Variants in HEMK2 observed in about 807,000 individuals in gnomAD.
HEMK2 encodes methyltransferase HEMK2.
the HEMK2 span, among the ~76,000 whole-genome samples, chr21:28,718,647 T>C: frequency 6.6e-6 from 1 of 152,096 alleles, no homozygotes; most frequent in Non-Finnish European, 1.5e-5. Context: ...TTGAGATTTA[T>C]CCAAAGGAGA....
At chr21:28,724,071 C>T in the HEMK2 span, among the ~76,000 whole-genome samples, 83,155 of 152,108 alleles carry the variant, frequency 0.55, 25,088 homozygotes, top group East Asian at 0.84. Flanking sequence ...AGGTCACACA[C>T]GTTGAGGAAC....
chr21:28,788,293 C>T, the HEMK2 span, among the ~76,000 whole-genome samples: 50 of 136,058 alleles, frequency 3.7e-4, no homozygotes, highest in African/African-American at 1.5e-3. Context: ...CACACACACA[C>T]ACACACACAC....
chr21:28,869,325 C>T, the HEMK2 span, among the ~76,000 whole-genome samples: 127,540 of 152,134 alleles, frequency 0.84, 53,917 homozygotes, highest in South Asian at 0.93. Flanking sequence ...AACTTGGTCA[C>T]AGTGTATCAT....
the HEMK2 span, among the ~76,000 whole-genome samples, chr21:28,742,896 T>C: frequency 2.6e-5 from 4 of 152,212 alleles, no homozygotes; most frequent in African/African-American, 9.6e-5. Context: ...TTCTCTGTGG[T>C]CACGGTCTTC....
chr21:28,673,472 C>T, the HEMK2 span, among the ~76,000 whole-genome samples: 3 of 148,368 alleles, frequency 2.0e-5, no homozygotes, highest in Non-Finnish European at 4.5e-5. Context: ...CAAACTCAAA[C>T]ACTTAGCTCA....
chr21:28,841,404 T>A, the HEMK2 span, among the ~76,000 whole-genome samples: 2 of 34,344 alleles, frequency 5.8e-5, no homozygotes, highest in Non-Finnish European at 8.4e-5. Context: ...ATTATATATA[T>A]AATATATATA....
the HEMK2 span, among the ~76,000 whole-genome samples, chr21:28,824,683 G>C: frequency 6.6e-6 from 1 of 152,122 alleles, no homozygotes; most frequent in East Asian, 1.9e-4. Context: ...TCTTTGAACA[G>C]TCCTAGTTGA....
the HEMK2 span, among the ~76,000 whole-genome samples, chr21:28,673,144 AGAG>A: frequency 6.0e-5 from 9 of 149,786 alleles, no homozygotes; most frequent in Admixed American, 1.3e-4. Context: ...GGAAAGAAAA[AGAG>A]GAAGGAAGGA....
the HEMK2 span, among the ~76,000 whole-genome samples, chr21:28,654,223 G>A: frequency 2.6e-5 from 4 of 152,266 alleles, no homozygotes; most frequent in Admixed American, 6.5e-5. Flanking sequence ...CATTTAGTAA[G>A]TTATGGATCG....
At chr21:28,794,511 C>T in the HEMK2 span, among the ~76,000 whole-genome samples, 1 of 152,286 alleles carries the variant, frequency 6.6e-6, no homozygotes, top group South Asian at 2.1e-4. Flanking sequence ...AATGTCAATA[C>T]AATTAAATGG....
chr21:28,679,093 G>C, the HEMK2 span, among the ~76,000 whole-genome samples: 1 of 152,160 alleles, frequency 6.6e-6, no homozygotes, highest in Non-Finnish European at 1.5e-5. Flanking sequence ...AAAAGACACA[G>C]ACTGGCAAAT....
At chr21:28,646,030 T>C in the HEMK2 span, among the ~76,000 whole-genome samples, 3 of 152,206 alleles carry the variant, frequency 2.0e-5, no homozygotes, top group Admixed American at 6.5e-5. Flanking sequence ...GTGATTTTAA[T>C]TCATGTTAAA....
the HEMK2 span, among the ~76,000 whole-genome samples, chr21:28,871,089 G>A: frequency 6.6e-6 from 1 of 152,100 alleles, no homozygotes; most frequent in Non-Finnish European, 1.5e-5. Context: ...ATTTATACTT[G>A]TATTTTTCTT....
At chr21:28,842,791 G>A in the HEMK2 span, among the ~76,000 whole-genome samples, 1 of 152,148 alleles carries the variant, frequency 6.6e-6, no homozygotes, top group Non-Finnish European at 1.5e-5. Context: ...GAATATCCCA[G>A]TAAGCAACTG....
chr21:28,798,514 T>C, the HEMK2 span, among the ~76,000 whole-genome samples: 1 of 152,184 alleles, frequency 6.6e-6, no homozygotes, highest in East Asian at 1.9e-4. Context: ...CTGTTTTTTT[T>C]TTATTATAAT....
the HEMK2 span, among the ~76,000 whole-genome samples, chr21:28,761,371 T>A: frequency 6.6e-6 from 1 of 152,106 alleles, no homozygotes; most frequent in African/African-American, 2.4e-5. Flanking sequence ...AGCCAAAAAA[T>A]TAATATTAAA....
At chr21:28,854,766 G>A in the HEMK2 span, among the ~76,000 whole-genome samples, 2 of 152,138 alleles carry the variant, frequency 1.3e-5, no homozygotes, top group Non-Finnish European at 2.9e-5. Flanking sequence ...ACACTGGCAG[G>A]TGATTAGATT....
the HEMK2 span, among the ~76,000 whole-genome samples, chr21:28,793,704 T>C: frequency 6.6e-6 from 1 of 152,168 alleles, no homozygotes; most frequent in African/African-American, 2.4e-5. Context: ...CATTATTATG[T>C]TATGTTAAGA....
At chr21:28,669,093 T>C in the HEMK2 span, among the ~76,000 whole-genome samples, 20 of 152,052 alleles carry the variant, frequency 1.3e-4, no homozygotes, top group African/African-American at 4.6e-4. Context: ...GGTGCAGTGG[T>C]TCATGCCTGT....
Sources: allele counts gnomAD v4.1 joint callset (sites outside exome capture counted in the v4.1 genomes callset), GRCh38; gene constraint gnomAD v4.1.1; transcripts MANE v1.5; gene names NCBI Gene and HGNC (gene_info 2026-07-23, HGNC 2026-07-21).